The following PARD3B variants were observed in gnomAD, a reference collection of about 807,000 sequenced individuals.
PARD3B encodes par-3 family cell polarity regulator beta.
In PARD3B, 103 loss-of-function variants were observed where a neutral mutation model predicts 130.2. The observed-to-expected ratio is 0.79, with a 90% CI of 0.67 to 0.93. PARD3B has a LOEUF of 0.93. Among genes scored for constraint, PARD3B ranks in the 40% least tolerant of loss-of-function variants. The probability of loss-of-function intolerance (pLI) is 0.00; values close to 1 mark genes in which losing one functional copy is unlikely to be tolerated. For synonymous variants in PARD3B, 583 were observed against 553.2 expected, an observed-to-expected ratio of 1.05 and a Z score of -0.76; for missense variants, 1,609 against 1,499.2, an observed-to-expected ratio of 1.07 and a Z score of -1.21.
chr2:204,577,557 T>G (rs2032330356), intron 1 of PARD3B, among the ~76,000 whole-genome samples: 1 of 151,924 alleles, frequency 6.6e-6, no homozygotes, highest in Non-Finnish European at 1.5e-5. Flanking sequence ...TTTTAAAGGG[T>G]TTTCTCACTT....
intron 1 of PARD3B, among the ~76,000 whole-genome samples, chr2:204,612,383 G>A (rs984518890): frequency 1.3e-5 from 2 of 152,174 alleles, no homozygotes; most frequent in African/African-American, 4.8e-5. Flanking sequence ...GCCTGCGGGT[G>A]CCCAGTTTGT....
At chr2:205,138,630 C>G (rs896284707) in intron 10 of PARD3B, among the ~76,000 whole-genome samples, 1 of 152,116 alleles carries the variant, frequency 6.6e-6, no homozygotes, top group Non-Finnish European at 1.5e-5. Context: ...AGATTCTTTC[C>G]TATTCCAAAA....
intron 1 of PARD3B, among the ~76,000 whole-genome samples, chr2:204,563,201 A>G (rs563687198): frequency 1.1e-3 from 158 of 138,126 alleles, no homozygotes; most frequent in African/African-American, 4.1e-3. Context: ...CCGTTTTTAC[A>G]TGCCGTCTTC....
chr2:205,165,774 A>AAATAAAT (rs2034778558), intron 11 of PARD3B, among the ~76,000 whole-genome samples: 1 of 144,190 alleles, frequency 6.9e-6, no homozygotes, highest in Non-Finnish European at 1.5e-5. Context: ...AATAAATAAA[A>AAATAAAT]GCTTCATATG....
intron 22 of PARD3B, among the ~76,000 whole-genome samples, chr2:205,579,399 G>A (rs1420351128): frequency 6.6e-6 from 1 of 152,134 alleles, no homozygotes; most frequent in Non-Finnish European, 1.5e-5. Flanking sequence ...ATCAGTTTGA[G>A]AATTCTAATA....
In PARD3B at chr2:205,558,210, A is replaced by T. The variant is rs1441510753; in HGVS notation, c.3260+4807A>T. Reference sequence around the variant, plus strand: ...AGGCAAGAGGCCAGGGCTCCTGTCCAGCAAGACTTGGGTGCAGGAGTAGGC... The same window carrying T: ...AGGCAAGAGGCCAGGGCTCCTGTCCTGCAAGACTTGGGTGCAGGAGTAGGC... On this transcript the variant is annotated intron_variant, in intron 22 of 22. Coordinates refer to ENST00000406610, the MANE Select transcript of PARD3B (RefSeq NM_001302769.2). This position sits in a 1 kb window ranked among gnomAD's most constrained non-coding sequence, Gnocchi z 4.8. Among the ~76,000 whole-genome samples, 1 of 152,180 alleles carries T rather than the reference A, an allele frequency of 6.6e-6. No individual in the cohort carries two copies. Among genetic ancestry groups the T allele is most frequent in the East Asian group, 1.9e-4 (1 of 5,190 alleles).
At chr2:204,684,000 G>T (rs978159816) in intron 1 of PARD3B, among the ~76,000 whole-genome samples, 6 of 152,114 alleles carry the variant, frequency 3.9e-5, no homozygotes, top group African/African-American at 7.2e-5. Flanking sequence ...GATGTGATGC[G>T]GCAACCCCAT....
At chr2:205,499,767 C>T (rs1013161498) in intron 20 of PARD3B, 129 bp from the exon 21 acceptor site, 2 of 1,090,608 alleles carry the variant, frequency 1.8e-6, no homozygotes, top group African/African-American at 1.6e-5. Context: ...CACCATTTTC[C>T]TGGCATATTT....
intron 20 of PARD3B, among the ~76,000 whole-genome samples, chr2:205,486,220 A>G (rs2049435506): frequency 6.6e-6 from 1 of 152,216 alleles, no homozygotes; most frequent in South Asian, 2.1e-4. Flanking sequence ...GCAAGGATTT[A>G]TAAGAATCTG....
intron 2 of PARD3B, among the ~76,000 whole-genome samples, chr2:204,949,986 A>G (rs1344365145): frequency 6.6e-6 from 1 of 152,226 alleles, no homozygotes; most frequent in Admixed American, 6.5e-5. Context: ...TAAAGGATGA[A>G]TAAGACTTTT....
chr2:204,990,800 C>A (rs761350039), intron 3 of PARD3B, among the ~76,000 whole-genome samples: 6 of 152,078 alleles, frequency 3.9e-5, no homozygotes, highest in Non-Finnish European at 7.4e-5. Context: ...CTACCTAAAG[C>A]CATAGAGAGA....
At chr2:205,059,078 C>A (rs1195464492) in intron 4 of PARD3B, among the ~76,000 whole-genome samples, 1 of 151,428 alleles carries the variant, frequency 6.6e-6, no homozygotes, top group African/African-American at 2.4e-5. Flanking sequence ...AGGTTTAGGT[C>A]TTCGATTTAT....
At chr2:205,163,773 A>G (rs1330334614) in intron 11 of PARD3B, among the ~76,000 whole-genome samples, 2 of 152,202 alleles carry the variant, frequency 1.3e-5, no homozygotes, top group Non-Finnish European at 2.9e-5. Flanking sequence ...GTATCTATAA[A>G]TCATGTGATA....
At chr2:205,086,757 C>A (rs1373063493) in intron 4 of PARD3B, among the ~76,000 whole-genome samples, 2 of 152,120 alleles carry the variant, frequency 1.3e-5, no homozygotes, top group African/African-American at 4.8e-5. Context: ...TAGGGCCAGC[C>A]CCCTGCTCCA....
intron 2 of PARD3B, among the ~76,000 whole-genome samples, chr2:204,882,121 T>C (rs2046077636): frequency 6.6e-6 from 1 of 152,168 alleles, no homozygotes; most frequent in Admixed American, 6.5e-5. Flanking sequence ...AACTGACTTT[T>C]GCTACCTTTG....
At chr2:205,541,418 G>A (rs1352408342) in intron 21 of PARD3B, among the ~76,000 whole-genome samples, 2 of 144,844 alleles carry the variant, frequency 1.4e-5, no homozygotes, top group African/African-American at 5.2e-5. Flanking sequence ...GCGTGATCTT[G>A]GTTCACTAAA....
chr2:205,104,006 C>A (rs930592926), intron 4 of PARD3B, among the ~76,000 whole-genome samples: 7 of 152,102 alleles, frequency 4.6e-5, no homozygotes, highest in Non-Finnish European at 1.0e-4. Context: ...AATGTTTTTT[C>A]ATGGATTTTG....
chr2:204,730,644 A>G (rs2039469424), intron 2 of PARD3B, among the ~76,000 whole-genome samples: 1 of 151,990 alleles, frequency 6.6e-6, no homozygotes, highest in African/African-American at 2.4e-5. Flanking sequence ...TCACATAGTG[A>G]TACTCTGAAA....
chr2:204,730,374 T>A (rs570284536), intron 2 of PARD3B, among the ~76,000 whole-genome samples: 1 of 152,224 alleles, frequency 6.6e-6, no homozygotes, highest in South Asian at 2.1e-4. Context: ...CAGCCTTACA[T>A]AGTTAATTTC....
Sources: allele counts gnomAD v4.1 joint callset (sites outside exome capture counted in the v4.1 genomes callset), GRCh38; gene constraint gnomAD v4.1.1; non-coding constraint Gnocchi (gnomAD v3.1); transcripts MANE v1.5; gene names NCBI Gene and HGNC (gene_info 2026-07-23, HGNC 2026-07-21).